The following CPAP variants were observed in gnomAD, a reference collection of about 807,000 sequenced individuals.
The protein encoded by CPAP is centrosome assembly and centriole elongation protein, also known as centrosomal P4.1-associated protein.
the CPAP span, chr13:24,905,824 CT>C: frequency 6.2e-7 from 1 of 1,614,188 alleles, no homozygotes; most frequent in Middle Eastern, 1.6e-4. Flanking sequence ...TAAAAGGCCC[CT>C]TATCATCACA....
At chr13:24,901,868 T>C in the CPAP span, among the ~76,000 whole-genome samples, 1 of 152,226 alleles carries the variant, frequency 6.6e-6, no homozygotes, top group Non-Finnish European at 1.5e-5. Context: ...GGTGCGTGCC[T>C]GTAGTCCCCG....
the CPAP span, among the ~76,000 whole-genome samples, chr13:24,913,340 C>T: frequency 6.6e-6 from 1 of 151,882 alleles, no homozygotes. Context: ...TATACAAGTG[C>T]TAGATTAGCT....
chr13:24,892,855 GCTGTTTTAAAGT>G, the CPAP span: 1 of 1,604,808 alleles, frequency 6.2e-7, no homozygotes, highest in Admixed American at 1.7e-5. Flanking sequence ...TCTGCTATTT[GCTGTTTTAAAGT>G]CTCTCAAAAA....
chr13:24,886,944 G>A, the CPAP span, among the ~76,000 whole-genome samples: 2 of 152,122 alleles, frequency 1.3e-5, no homozygotes, highest in Non-Finnish European at 2.9e-5. Context: ...GCAGGATAAC[G>A]AGAGGTGACC....
the CPAP span, among the ~76,000 whole-genome samples, chr13:24,911,516 C>T: frequency 6.6e-6 from 1 of 152,096 alleles, no homozygotes; most frequent in Non-Finnish European, 1.5e-5. Context: ...CAGCTCTAGG[C>T]CAAATCTGAC....
At chr13:24,921,861 T>G in the CPAP span, among the ~76,000 whole-genome samples, 476 of 152,226 alleles carry the variant, frequency 3.1e-3, 6 homozygotes, top group African/African-American at 0.011. Flanking sequence ...TACCTTCAAT[T>G]TCATGACCGC....
At chr13:24,916,205 C>T in the CPAP span, among the ~76,000 whole-genome samples, 50,932 of 151,944 alleles carry the variant, frequency 0.34, 9,159 homozygotes, top group Admixed American at 0.42. Flanking sequence ...AGAATTGCTA[C>T]AGTCATGTTC....
chr13:24,884,019 A>AAAT, the CPAP span: 16 of 1,613,940 alleles, frequency 9.9e-6, no homozygotes, highest in East Asian at 2.2e-5. Flanking sequence ...GTCCATCAGG[A>AAAT]AATAAGTTTT....
At chr13:24,918,906 G>A in the CPAP span, among the ~76,000 whole-genome samples, 1 of 152,008 alleles carries the variant, frequency 6.6e-6, no homozygotes, top group Admixed American at 6.5e-5. Flanking sequence ...TTGTTCGAGA[G>A]TCAACTGTAA....
At chr13:24,884,348 T>C in the CPAP span, 5 of 1,614,176 alleles carry the variant, frequency 3.1e-6, no homozygotes, top group Non-Finnish European at 3.4e-6. Flanking sequence ...CATGACCTGC[T>C]TCACGTCACC....
At chr13:24,916,342 G>A in the CPAP span, among the ~76,000 whole-genome samples, 1 of 151,930 alleles carries the variant, frequency 6.6e-6, no homozygotes, top group Non-Finnish European at 1.5e-5. Context: ...AATGAAAAAG[G>A]GCAATGTGGA....
the CPAP span, chr13:24,885,569 A>C: frequency 6.9e-7 from 1 of 1,443,124 alleles, no homozygotes; most frequent in East Asian, 2.3e-5. Context: ...AGCCTAAGTA[A>C]TGTATGTTTG....
chr13:24,896,881 T>C, the CPAP span, among the ~76,000 whole-genome samples: 1 of 152,262 alleles, frequency 6.6e-6, no homozygotes, highest in Non-Finnish European at 1.5e-5. Flanking sequence ...CTATGGTTTT[T>C]AATTTAGTGA....
chr13:24,905,890 T>C, the CPAP span: 2 of 1,613,982 alleles, frequency 1.2e-6, no homozygotes, highest in African/African-American at 2.7e-5. Flanking sequence ...CCTCAGTCGA[T>C]GGTTTTATGG....
chr13:24,883,638 T>C, the CPAP span, among the ~76,000 whole-genome samples: 1 of 152,340 alleles, frequency 6.6e-6, no homozygotes, highest in African/African-American at 2.4e-5. Context: ...TTGGTTGTTA[T>C]ATTAAAAGGG....
the CPAP span, among the ~76,000 whole-genome samples, chr13:24,901,665 T>C: frequency 1.1e-4 from 16 of 152,346 alleles, no homozygotes; most frequent in African/African-American, 3.8e-4. Flanking sequence ...GACTAGGGCG[T>C]GCTAATAGGT....
chr13:24,922,529 G>A, the CPAP span, among the ~76,000 whole-genome samples: 1 of 152,234 alleles, frequency 6.6e-6, no homozygotes, highest in Non-Finnish European at 1.5e-5. Flanking sequence ...CCCCAGAGAG[G>A]CCGGCTTCCC....
the CPAP span, chr13:24,912,811 T>C: frequency 1.1e-5 from 18 of 1,614,022 alleles, no homozygotes; most frequent in Non-Finnish European, 1.5e-5. Context: ...AAGAAGTGAA[T>C]CTTCTTCATT....
At chr13:24,887,143 G>T in the CPAP span, among the ~76,000 whole-genome samples, 1 of 152,162 alleles carries the variant, frequency 6.6e-6, no homozygotes, top group African/African-American at 2.4e-5. Context: ...AAGAAGCACT[G>T]CCCAAAGGGA....
Sources: allele counts gnomAD v4.1 joint callset (sites outside exome capture counted in the v4.1 genomes callset), GRCh38; gene constraint gnomAD v4.1.1; transcripts MANE v1.5; gene names NCBI Gene and HGNC (gene_info 2026-07-23, HGNC 2026-07-21).